PCDH9: variants seen among roughly 807,000 people sequenced by gnomAD.
The protein encoded by PCDH9 is protocadherin 9.
PCDH9 carries 24 observed loss-of-function variants against 70.6 expected under a neutral mutation model. The observed-to-expected ratio is 0.34, with a 90% CI of 0.25 to 0.48. The LOEUF is 0.48. PCDH9 is among the 20% of genes least tolerant of loss of function. The probability of loss-of-function intolerance (pLI) is 0.99; values close to 1 mark genes in which losing one functional copy is unlikely to be tolerated. For missense variants in PCDH9, 1,281 were observed against 1,503.6 expected (o/e 0.85, Z 2.45); for synonymous variants, 562 against 558.5 (o/e 1.01, Z -0.09).
At chr13:67,225,206 C>T in intron 2 of PCDH9, 199 bp downstream of exon 2, 1 of 1,326,246 alleles carries the variant, frequency 7.5e-7, no homozygotes, top group Non-Finnish European at 9.8e-7. Flanking sequence ...AGAAAATATT[C>T]TCAGAACTCA....
At chr13:66,670,461 T>A (rs1467922566) in intron 3 of PCDH9, among the ~76,000 whole-genome samples, 1 of 152,192 alleles carries the variant, frequency 6.6e-6, no homozygotes, top group Non-Finnish European at 1.5e-5. Context: ...GACATCATCA[T>A]CTTAATTATA....
intron 2 of PCDH9, chr13:67,224,861 T>G (rs2089816529): frequency 1.0e-6 from 1 of 972,838 alleles, no homozygotes. Context: ...ATGGCTTAGT[T>G]GCAATCTATC....
At chr13:66,717,663 A>T (rs1476146341) in intron 3 of PCDH9, among the ~76,000 whole-genome samples, 1 of 151,690 alleles carries the variant, frequency 6.6e-6, no homozygotes, top group Non-Finnish European at 1.5e-5. Context: ...TTTAGAACAG[A>T]GCAAAATGTA....
At position 66,696,765 on chromosome 13, in the gene PCDH9, G is replaced by A. The variant is rs950631967; in HGVS notation, c.3139-65354C>T. On this transcript the variant is annotated intron_variant, in intron 3 of 4. Transcript: ENST00000377865. The stretch of plus-strand genomic sequence containing the variant: ...TTTCCAACACTGAAAGAGAAACCTT[G>A]CTGGTTGTTCAGGCAAACTTTTTTT... Among the ~76,000 whole-genome samples the A allele has an allele frequency of 2.0e-5, 3 of 148,260 alleles. No homozygotes were observed. In the Admixed American group the frequency reaches 2.1e-4, roughly 10 times the overall value.
chr13:66,729,937 T>C (rs1159105205), intron 3 of PCDH9, among the ~76,000 whole-genome samples: 1 of 152,186 alleles, frequency 6.6e-6, no homozygotes, highest in East Asian at 1.9e-4. Context: ...AAACCTGACA[T>C]CTTTTTCCAT....
At position 66,789,691 on chromosome 13, in the gene PCDH9, CT is replaced by C. The variant is rs3834945; in HGVS notation, c.3138+113812del. Reference sequence around the variant, plus strand: ...GCACTGTGTATCCCCGTTTTATGCTCTGTTGGTCTTACTAACATTTATCAAT... The same window carrying C: ...GCACTGTGTATCCCCGTTTTATGCTCGTTGGTCTTACTAACATTTATCAAT... On this transcript the variant is annotated intron_variant, in intron 3 of 4. Coordinates refer to ENST00000377865, the MANE Select transcript of PCDH9 (RefSeq NM_203487.3). Among the ~76,000 whole-genome samples, 26 of 152,228 alleles carry C rather than the reference CT, an allele frequency of 1.7e-4. No homozygotes were observed. In the East Asian group the frequency reaches 5.0e-3, roughly 29 times the overall value.
intron 2 of PCDH9, among the ~76,000 whole-genome samples, chr13:66,973,837 C>A (rs1016321713): frequency 3.3e-5 from 5 of 151,918 alleles, no homozygotes; most frequent in African/African-American, 1.2e-4. Context: ...GTAGAGGAGC[C>A]ATTTCCCCAA....
chr13:66,493,556 G>A (rs117136866), intron 4 of PCDH9, among the ~76,000 whole-genome samples: 1 of 152,040 alleles, frequency 6.6e-6, no homozygotes, highest in African/African-American at 2.4e-5. Flanking sequence ...CATGAAATGT[G>A]ATTGGTCAAC....
chr13:66,474,842 C>A (rs1265499251), intron 4 of PCDH9, among the ~76,000 whole-genome samples: 1 of 151,982 alleles, frequency 6.6e-6, no homozygotes, highest in Non-Finnish European at 1.5e-5. Flanking sequence ...AAATTTTGGT[C>A]GCTAAGGTTT....
At chr13:67,123,736 C>A (rs893206176) in intron 2 of PCDH9, among the ~76,000 whole-genome samples, 4 of 151,936 alleles carry the variant, frequency 2.6e-5, no homozygotes, top group African/African-American at 9.7e-5. Context: ...TATTAAAGAA[C>A]AAATTGGTTC....
At chr13:67,194,399 T>C (rs2089003550) in intron 2 of PCDH9, among the ~76,000 whole-genome samples, 1 of 151,660 alleles carries the variant, frequency 6.6e-6, no homozygotes, top group African/African-American at 2.4e-5. Context: ...TTTCCAGAGG[T>C]ATAATGACTC....
chr13:66,800,111 C>T (rs946784800), intron 3 of PCDH9, among the ~76,000 whole-genome samples: 5 of 152,116 alleles, frequency 3.3e-5, no homozygotes, highest in African/African-American at 1.2e-4. Context: ...AGAATAAAAT[C>T]CAAACTATTT....
chr13:66,827,556 A>G (rs1280729673), intron 3 of PCDH9, among the ~76,000 whole-genome samples: 1 of 152,096 alleles, frequency 6.6e-6, no homozygotes, highest in Non-Finnish European at 1.5e-5. Context: ...GGAAAGTTTC[A>G]GGCACCTGCT....
At chr13:66,338,822 G>C (rs184780843) in intron 4 of PCDH9, among the ~76,000 whole-genome samples, 64 of 151,606 alleles carry the variant, frequency 4.2e-4, no homozygotes, top group African/African-American at 1.5e-3. Flanking sequence ...ACATGAAAAC[G>C]TTCTATCCTT....
At chr13:66,664,869 T>C (rs1231162028) in intron 3 of PCDH9, among the ~76,000 whole-genome samples, 1 of 152,058 alleles carries the variant, frequency 6.6e-6, no homozygotes, top group Non-Finnish European at 1.5e-5. Context: ...CATCCCATGA[T>C]ACCCTACCCC....
intron 2 of PCDH9, among the ~76,000 whole-genome samples, chr13:67,019,188 C>CTTTTTTTTTTTTTTTTTTTTTTT (rs60154161): frequency 9.7e-6 from 1 of 102,728 alleles, no homozygotes; most frequent in South Asian, 3.9e-4. Flanking sequence ...GGCAGTTGCT[C>CTTTTTTTTTTTTTTTTTTTTTTT]TTTTTTTTTT....
chr13:66,615,012 C>G (rs2077338575), intron 4 of PCDH9, among the ~76,000 whole-genome samples: 1 of 152,176 alleles, frequency 6.6e-6, no homozygotes, highest in Non-Finnish European at 1.5e-5. Context: ...GGTAAAAACA[C>G]TTTCAAATAA....
intron 4 of PCDH9, among the ~76,000 whole-genome samples, chr13:66,596,179 G>C (rs573427527): frequency 6.6e-6 from 1 of 151,588 alleles, no homozygotes; most frequent in East Asian, 1.9e-4. Flanking sequence ...ATGTTCTGTA[G>C]GGATTTATTT....
At chr13:67,164,996 A>G (rs1486370410) in intron 2 of PCDH9, among the ~76,000 whole-genome samples, 1 of 152,200 alleles carries the variant, frequency 6.6e-6, no homozygotes, top group Non-Finnish European at 1.5e-5. Context: ...GAGAGAACTT[A>G]GCCATCTTAT....
Sources: gnomAD v4.1 joint callset for allele counts (sites outside exome capture counted in the v4.1 genomes callset) on GRCh38, gnomAD v4.1.1 for gene constraint, MANE v1.5 for transcripts, NCBI Gene and HGNC (gene_info 2026-07-23, HGNC 2026-07-21) for gene names.